ZAN: variants seen among roughly 807,000 people sequenced by gnomAD.
ZAN encodes zonadhesin, also known as zonadhesin (gene/pseudogene).
ZAN carries 260 observed loss-of-function variants against 286.2 expected under a neutral mutation model. The ratio of observed to expected loss-of-function variants is 0.91; its 90% CI spans 0.82 to 1.01. The LOEUF (loss-of-function observed/expected upper bound fraction) is 1.01. Among genes scored for constraint, ZAN ranks in the 50% least tolerant of loss-of-function variants. The probability of loss-of-function intolerance (pLI) is 0.00; values close to 1 mark genes in which losing one functional copy is unlikely to be tolerated. For synonymous variants in ZAN, 1,368 were observed against 1,417.5 expected, an observed-to-expected ratio of 0.97 and a Z score of 0.79; for missense variants, 3,410 against 3,639.2, an observed-to-expected ratio of 0.94 and a Z score of 1.62.
rs557743525 is a variant in ZAN at position 100,773,785 on chromosome 7, A to C, written c.5699A>C (p.Asn1900Thr). ...CTCTGCACCTGCTCCGTCCACAACA[A>C]CATCACCTGCTTCCAGAGCACCTGC... ...TRLCTCSVHN[N>T]ITCFQSTCKP... Residue 1900 changes from asparagine (N) to threonine (T), a missense_variant, in exon 31 of 48, where the codon AAC (asparagine) becomes ACC (threonine). By Grantham distance (65) the Asn-to-Thr change is moderately conservative. This residue lies in a region of ZAN where 1,289 missense variants were observed against 1,314.3 expected (regional missense o/e 0.98). Transcript: ENST00000613979. The C allele has an allele frequency of 6.7e-5, 108 of 1,612,524 alleles. No individual in the cohort carries two copies. The South Asian group carries it at 1.2e-3, about 18-fold the overall frequency.
At chr7:100,786,540 C>A (rs1811578315) in intron 37 of ZAN, among the ~76,000 whole-genome samples, 2 of 152,290 alleles carry the variant, frequency 1.3e-5, no homozygotes, top group South Asian at 4.1e-4. Context: ...TCCCAAGTAG[C>A]TGGGACTACA....
Position 100,784,738 on chromosome 7 carries a change from G to A in ZAN, c.6738G>A (p.Glu2246=), listed in dbSNP as rs1562953183. ...EGAKVPSACA[E]GCICQPGYVL... ...CCAAAGTCCCCTCTGCCTGCGCTGA[G>A]GGCTGCATTTGTCAGCCCGGCTATG... is the stretch of plus-strand genomic sequence containing the variant. Residue 2246 remains glutamate, a synonymous_variant, in exon 36 of 48, where the codon GAG becomes GAA. Transcript: ENST00000613979. 6.2e-7 allele frequency: 1 copy of A among 1,613,824 alleles called. No homozygotes were observed. The highest frequency in any genetic ancestry group is 1.3e-5 in the African/African-American group (1 of 74,924).
chr7:100,773,445 GCCC>G lies in ZAN; in HGVS notation c.5588_5590del (p.Pro1863del). 1 of 1,613,906 alleles carries G rather than the reference GCCC, an allele frequency of 6.2e-7. No homozygotes were observed. Among genetic ancestry groups the G allele is most frequent in the Non-Finnish European group, 8.5e-7 (1 of 1,179,878 alleles). ...ACATCTTGAGTGGAACCTCCTGCGT[GCCC>G]CTTGGCCAGTGTGGCTGCACTGACC... On this transcript the variant is annotated inframe_deletion, in exon 30 of 48. Coordinates refer to ENST00000613979, the MANE Select transcript of ZAN (RefSeq NM_003386.3).
At position 100,790,879 on chromosome 7, in the gene ZAN, TAAAAAAAAAAA is replaced by T. The variant is rs5886138; in HGVS notation, c.7358-53_7358-43del. The T allele has an allele frequency of 5.0e-6, 6 of 1,211,124 alleles. No individual in the cohort carries two copies. The African/African-American group carries it at 8.6e-5, about 17-fold the overall frequency. The allele number at this position is 1,211,124 out of a possible 1,614,324, so 75.0% of individuals were successfully genotyped here. On this transcript the variant is annotated intron_variant, in intron 39 of 47. Coordinates refer to ENST00000613979, the MANE Select transcript of ZAN (RefSeq NM_003386.3). ...GCCTGGGCAACAGAGCAAGACTGTC[TAAAAAAAAAAA>T]AAAAAAAAAGAGTGAGGAGTCTCAC...
rs1808781978 is a variant in ZAN at position 100,752,405 on chromosome 7, C to T, written c.2300C>T (p.Thr767Ile). ...EKPTTPTEKP[T>I]ISPEKLTIPT... Reference sequence around the variant, plus strand: ...CCCACCACCCCCACAGAAAAACCCACCATCTCCCCAGAAAAACTCACCATC... The same window carrying T: ...CCCACCACCCCCACAGAAAAACCCATCATCTCCCCAGAAAAACTCACCATC... Residue 767 changes from threonine to isoleucine, a missense_variant, in exon 14 of 48, where the codon ACC (threonine) becomes ATC (isoleucine). This residue lies in a region of ZAN where 39 missense variants were observed against 76.9 expected (regional missense o/e 0.51). Coordinates refer to ENST00000613979, the MANE Select transcript of ZAN (RefSeq NM_003386.3). 7 of 1,561,376 alleles carry T rather than the reference C, an allele frequency of 4.5e-6. No individual in the cohort carries two copies. Among genetic ancestry groups the T allele is most frequent in the Non-Finnish European group, 4.4e-6 (5 of 1,149,372 alleles).
chr7:100,747,461 C>G, intron 8 of ZAN, 89 bp from the exon 9 acceptor site: 1 of 1,015,302 alleles, frequency 9.8e-7, no homozygotes, highest in Non-Finnish European at 1.6e-6. Flanking sequence ...CCCAGCTATG[C>G]CCTCTGCTCC....
Position 100,767,830 on chromosome 7 carries a change from G to C in ZAN, c.4861-1G>C. On this transcript the variant is annotated splice_acceptor_variant, in intron 25 of 47. Transcript: ENST00000613979. LOFTEE classifies it high-confidence loss of function. ...TTTCTACGTCCTCCCTGCCTCTGCA[G>C]CTGAATGGCCATCGGGTGGCCCTAC... 1 of 1,612,270 alleles carries C rather than the reference G, an allele frequency of 6.2e-7. No homozygotes were observed.
chr7:100,783,763 A>AAAATATAT (rs1562952263), intron 35 of ZAN, among the ~76,000 whole-genome samples: 1 of 7,482 alleles, frequency 1.3e-4, no homozygotes, highest in Non-Finnish European at 2.3e-4. Context: ...AAAAAAAAAA[A>AAAATATAT]ATATATATAT....
chr7:100,735,661 C>T, intron 2 of ZAN, 59 bp from the exon 3 acceptor site: 1 of 1,270,302 alleles, frequency 7.9e-7, no homozygotes, highest in Non-Finnish European at 1.1e-6. Flanking sequence ...GTCACTGAAT[C>T]TTATAATTCT....
chr7:100,746,751 C>G, intron 8 of ZAN, 49 bp downstream of exon 8: 1 of 1,596,638 alleles, frequency 6.3e-7, no homozygotes, highest in Non-Finnish European at 8.6e-7. Flanking sequence ...GCGCATCTCC[C>G]AGGGTTGGCT....
At chr7:100,764,740 T>A (rs925897623) in intron 22 of ZAN, among the ~76,000 whole-genome samples, 1 of 150,490 alleles carries the variant, frequency 6.6e-6, no homozygotes, top group Non-Finnish European at 1.5e-5. Flanking sequence ...TAGCTGTGTG[T>A]GGCAACGGGC....
chr7:100,759,695 C>T, intron 17 of ZAN, 26 bp from the exon 18 acceptor site: 3 of 1,567,336 alleles, frequency 1.9e-6, no homozygotes, highest in African/African-American at 1.4e-5. Context: ...AGCCACTGGG[C>T]TCTCTTCATT....
intron 23 of ZAN, 74 bp from the exon 24 acceptor site, chr7:100,766,451 G>C (rs1287043413): frequency 2.0e-6 from 3 of 1,489,902 alleles, no homozygotes; most frequent in Non-Finnish European, 2.7e-6. Flanking sequence ...GGTGAGCTCT[G>C]GTGTCAGATC....
chr7:100,771,679 A>G (rs1434232346), intron 28 of ZAN, among the ~76,000 whole-genome samples, 165 bp from the exon 29 acceptor site: 1 of 151,726 alleles, frequency 6.6e-6, no homozygotes. Flanking sequence ...TGATCTGCCC[A>G]CCTCGGCCTC....
chr7:100,774,562 G>A (rs1238639378), intron 31 of ZAN, among the ~76,000 whole-genome samples: 1 of 152,048 alleles, frequency 6.6e-6, no homozygotes, highest in Non-Finnish European at 1.5e-5. Context: ...TGCACCTGTA[G>A]TCCCTGCTAC....
At chr7:100,749,865 A>G (rs1483469889) in intron 11 of ZAN, among the ~76,000 whole-genome samples, 2 of 150,742 alleles carry the variant, frequency 1.3e-5, no homozygotes, top group African/African-American at 4.9e-5. Context: ...AGCCTGGCCA[A>G]CATGGTGAAA....
Position 100,767,919 on chromosome 7 carries a change from C to A in ZAN, c.4949C>A (p.Thr1650Lys), listed in dbSNP as rs183014219. 3.7e-3 allele frequency: 5,992 copies of A among 1,613,994 alleles called. 19 individuals carry two copies. The highest frequency in any genetic ancestry group is 4.6e-3 in the Non-Finnish European group (5,475 of 1,179,892). Residue 1650 changes from threonine to lysine, a missense_variant, in exon 26 of 48, where the codon ACG becomes AAG. Coordinates refer to ENST00000613979, the MANE Select transcript of ZAN (RefSeq NM_003386.3). ...AGCAGCAACCTCGTCCTCCTCTACA[C>A]GAACTTTGGGCTCCAAGTTCGCTAC... ...RLSSNLVLLY[T>K]NFGLQVRYDG...
At chr7:100,792,219 C>T in intron 41 of ZAN, 71 bp downstream of exon 41, 1 of 1,504,958 alleles carries the variant, frequency 6.6e-7, no homozygotes, top group South Asian at 1.3e-5. Flanking sequence ...GGGCCTCCTG[C>T]CCGCTTCCTG....
At position 100,739,066 on chromosome 7, in the gene ZAN, C is replaced by G. The variant is rs1349515603; in HGVS notation, c.766+453C>G. ...TCGTTCTGTCACCCAGTCTGGAGTG[C>G]AGTGGCGTGATCTCTGCTCACTGCA... is the stretch of plus-strand genomic sequence containing the variant. On this transcript the variant is annotated intron_variant, in intron 7 of 47. Coordinates refer to ENST00000613979, the MANE Select transcript of ZAN (RefSeq NM_003386.3). Among the ~76,000 whole-genome samples, 2 of 126,820 alleles carry G rather than the reference C, an allele frequency of 1.6e-5. 1 individual carries two copies. Among genetic ancestry groups the G allele is most frequent in the Non-Finnish European group, 3.5e-5 (2 of 57,670 alleles). 83.2% of individuals were successfully genotyped at this position (126,820 alleles called of 152,430 possible).
Sources: gnomAD v4.1 joint callset for allele counts (sites outside exome capture counted in the v4.1 genomes callset) on GRCh38, gnomAD v4.1.1 for gene constraint, gnomAD v4.1.1 regional missense constraint, MANE v1.5 for transcripts, NCBI Gene and HGNC (gene_info 2026-07-23, HGNC 2026-07-21) for gene names.